NTM: variants seen among roughly 807,000 people sequenced by gnomAD.
NTM encodes the protein neurotrimin.
Under a neutral mutation model 42.1 loss-of-function variants are expected in NTM, and 13 were observed. The observed-to-expected ratio is 0.31, with a 90% CI of 0.20 to 0.49. The LOEUF (loss-of-function observed/expected upper bound fraction) is 0.49. NTM is among the 20% of genes least tolerant of loss of function. The pLI is 0.99. For missense variants in NTM, 373 were observed against 452.8 expected (o/e 0.82, Z 1.60); for synonymous variants, 187 against 179.2 (o/e 1.04, Z -0.35).
intron 2 of NTM, among the ~76,000 whole-genome samples, chr11:132,052,589 G>A (rs1275620419): frequency 1.3e-5 from 2 of 152,162 alleles, no homozygotes; most frequent in African/African-American, 4.8e-5. Flanking sequence ...GAAACAGCAG[G>A]AAATCTAACA....
chr11:131,792,926 C>T (rs1435414110), intron 1 of NTM, among the ~76,000 whole-genome samples: 4 of 152,190 alleles, frequency 2.6e-5, no homozygotes, highest in Non-Finnish European at 5.9e-5. Flanking sequence ...ATTTCTCTTA[C>T]TAACCGGTTA....
intron 3 of NTM, among the ~76,000 whole-genome samples, chr11:132,170,337 T>C (rs2075946643): frequency 6.6e-6 from 1 of 152,182 alleles, no homozygotes; most frequent in South Asian, 2.1e-4. Flanking sequence ...CTACAATAGG[T>C]ATACAGCTAG....
intron 7 of NTM, among the ~76,000 whole-genome samples, chr11:132,321,074 GA>G (rs1371557161): frequency 6.6e-6 from 1 of 151,990 alleles, no homozygotes; most frequent in Non-Finnish European, 1.5e-5. Flanking sequence ...CAAAGATGGG[GA>G]AAAAACAGAA....
intron 3 of NTM, among the ~76,000 whole-genome samples, chr11:132,211,176 G>T (rs893350280): frequency 1.3e-4 from 20 of 152,312 alleles, no homozygotes; most frequent in Non-Finnish European, 2.4e-4. Flanking sequence ...GGCTGAGGCT[G>T]GTGAATTGCT....
chr11:131,375,665 G>C (rs1941868893), intron 1 of NTM, among the ~76,000 whole-genome samples: 1 of 152,192 alleles, frequency 6.6e-6, no homozygotes, highest in Non-Finnish European at 1.5e-5. Context: ...TAGGGAGGAT[G>C]GAGCTGGAGG....
intron 1 of NTM, among the ~76,000 whole-genome samples, chr11:131,525,670 TC>T (rs1189492839): frequency 6.6e-6 from 1 of 152,210 alleles, no homozygotes; most frequent in African/African-American, 2.4e-5. Context: ...CCGTGATTAT[TC>T]AGCATCACTG....
intron 1 of NTM, among the ~76,000 whole-genome samples, chr11:131,720,938 T>C (rs921623228): frequency 6.6e-6 from 1 of 152,198 alleles, no homozygotes; most frequent in Non-Finnish European, 1.5e-5. Context: ...GTTTGATCCA[T>C]CATAAATACT....
intron 7 of NTM, among the ~76,000 whole-genome samples, chr11:132,319,695 C>T (rs1470406452): frequency 1.3e-5 from 2 of 152,270 alleles, no homozygotes; most frequent in African/African-American, 4.8e-5. Context: ...CCTCTGGGGG[C>T]AGAGCACAGA....
chr11:132,086,918 C>T lies in NTM; in HGVS notation c.168-59364C>T, dbSNP rs1747952249. On this transcript the variant is annotated intron_variant, in intron 2 of 8. Transcript: ENST00000683400. Reference sequence around the variant, plus strand: ...AGGGGAGTGTCCTATAGTACAGGGACACAGTTACCCATCTGTAAAGAGGGG... The same window carrying T: ...AGGGGAGTGTCCTATAGTACAGGGATACAGTTACCCATCTGTAAAGAGGGG... Among the ~76,000 whole-genome samples, 2 of 152,086 alleles carry T rather than the reference C, an allele frequency of 1.3e-5. 1 individual carries two copies. Among genetic ancestry groups the T allele is most frequent in the Admixed American group, 1.3e-4 (2 of 15,270 alleles).
At chr11:132,103,633 C>G (rs1158760007) in intron 2 of NTM, among the ~76,000 whole-genome samples, 1 of 152,200 alleles carries the variant, frequency 6.6e-6, no homozygotes, top group Non-Finnish European at 1.5e-5. Flanking sequence ...TCTTTCCTTT[C>G]CTGAGATTTC....
chr11:132,192,622 C>A (rs557054970), intron 3 of NTM, among the ~76,000 whole-genome samples: 1 of 152,186 alleles, frequency 6.6e-6, no homozygotes, highest in South Asian at 2.1e-4. Context: ...CAGCTAACAA[C>A]ATAATGACAG....
chr11:131,468,800 G>A (rs998372333), intron 1 of NTM, among the ~76,000 whole-genome samples: 13 of 152,192 alleles, frequency 8.5e-5, no homozygotes, highest in Non-Finnish European at 1.9e-4. Flanking sequence ...TTTTTCCCCA[G>A]CTAGGAACTT....
chr11:132,143,903 A>G (rs903131813), intron 2 of NTM, among the ~76,000 whole-genome samples: 4 of 152,180 alleles, frequency 2.6e-5, no homozygotes, highest in African/African-American at 9.7e-5. Context: ...TGCACCCTCT[A>G]TCGACTGTAG....
intron 1 of NTM, among the ~76,000 whole-genome samples, chr11:131,436,342 A>C (rs1257840673): frequency 1.3e-5 from 2 of 152,140 alleles, no homozygotes; most frequent in African/African-American, 2.4e-5. Flanking sequence ...TGAGTGGAAT[A>C]GTTTCAGAAG....
At chr11:131,700,763 A>G (rs1400389796) in intron 1 of NTM, among the ~76,000 whole-genome samples, 2 of 152,208 alleles carry the variant, frequency 1.3e-5, no homozygotes, top group East Asian at 3.9e-4. Flanking sequence ...TTTTATTGAC[A>G]CCATCTTTTA....
intron 1 of NTM, among the ~76,000 whole-genome samples, chr11:131,523,666 G>GT (rs1302016333): frequency 6.6e-6 from 1 of 150,706 alleles, no homozygotes; most frequent in Non-Finnish European, 1.5e-5. Flanking sequence ...GCACATGTCT[G>GT]TAATACCAGC....
At chr11:132,321,392 G>A (rs2095565205) in intron 7 of NTM, among the ~76,000 whole-genome samples, 4 of 152,142 alleles carry the variant, frequency 2.6e-5, no homozygotes, top group Non-Finnish European at 2.9e-5. Context: ...AGAAGCCTCA[G>A]GAGCCGATGT....
chr11:131,631,658 A>G (rs1231675077), intron 1 of NTM, among the ~76,000 whole-genome samples: 1 of 152,172 alleles, frequency 6.6e-6, no homozygotes, highest in African/African-American at 2.4e-5. Flanking sequence ...TACAATTTCC[A>G]TAACTGTTTG....
intron 1 of NTM, among the ~76,000 whole-genome samples, chr11:131,823,803 A>G (rs1361369048): frequency 1.3e-5 from 2 of 152,244 alleles, no homozygotes; most frequent in Non-Finnish European, 1.5e-5. Context: ...GCTAGAGCTA[A>G]GTGGATTTCA....
Sources: gnomAD v4.1 joint callset for allele counts (sites outside exome capture counted in the v4.1 genomes callset) on GRCh38, gnomAD v4.1.1 for gene constraint, MANE v1.5 for transcripts, NCBI Gene and HGNC (gene_info 2026-07-23, HGNC 2026-07-21) for gene names.